The following CPEB3 variants were observed in gnomAD, a reference collection of about 807,000 sequenced individuals.
CPEB3 encodes the protein cytoplasmic polyadenylation element-binding protein 3.
A neutral mutation model predicts 67.2 loss-of-function variants in CPEB3; 20 were observed. That is an observed-to-expected ratio of 0.30 (90% confidence interval 0.21 to 0.43). The LOEUF (loss-of-function observed/expected upper bound fraction) is 0.43. Ranked by LOEUF, CPEB3 falls within the 20% of genes least tolerant of loss-of-function variation. CPEB3 has a pLI of 1.00. For synonymous variants in CPEB3, 376 were observed against 393.1 expected, an observed-to-expected ratio of 0.96 and a Z score of 0.51; for missense variants, 746 against 968.6, an observed-to-expected ratio of 0.77 and a Z score of 3.05.
chr10:92,288,412 G>A (rs976910381), intron 1 of CPEB3, among the ~76,000 whole-genome samples: 8 of 145,356 alleles, frequency 5.5e-5, no homozygotes, highest in East Asian at 4.0e-4. Context: ...GTGAGCTGGC[G>A]CCACTGCACT....
At chr10:92,132,022 TAA>T (rs1462035667) in intron 6 of CPEB3, among the ~76,000 whole-genome samples, 2 of 152,282 alleles carry the variant, frequency 1.3e-5, no homozygotes, top group East Asian at 3.9e-4. Context: ...AATATCTCCA[TAA>T]AGTTATTTTA....
At chr10:92,099,531 C>T (rs1419420092) in intron 7 of CPEB3, among the ~76,000 whole-genome samples, 1 of 151,942 alleles carries the variant, frequency 6.6e-6, no homozygotes, top group Non-Finnish European at 1.5e-5. Context: ...TGACAATTGA[C>T]CAGAACCTCT....
At chr10:92,120,453 G>A (rs1485978444) in intron 6 of CPEB3, among the ~76,000 whole-genome samples, 5 of 151,792 alleles carry the variant, frequency 3.3e-5, no homozygotes, top group Middle Eastern at 3.2e-3. Context: ...GTGTGGTGGC[G>A]GGCGCCTATA....
At chr10:92,179,757 T>A (rs1034788205) in intron 4 of CPEB3, among the ~76,000 whole-genome samples, 3 of 152,230 alleles carry the variant, frequency 2.0e-5, no homozygotes, top group African/African-American at 7.2e-5. Context: ...ACCTGCATCA[T>A]CAAGCACTGC....
intron 6 of CPEB3, chr10:92,137,743 A>T (rs900766721): frequency 2.9e-6 from 1 of 344,978 alleles, no homozygotes; most frequent in East Asian, 6.8e-5. Context: ...TCACGCCTGT[A>T]ATCCCAGCAC....
intron 2 of CPEB3, among the ~76,000 whole-genome samples, chr10:92,203,500 A>G (rs969324779): frequency 2.4e-4 from 34 of 140,384 alleles, no homozygotes; most frequent in Admixed American, 3.0e-4. Context: ...GTGTATATAT[A>G]TGTGTGTGTA....
chr10:92,132,413 A>G (rs1845884453), intron 6 of CPEB3, among the ~76,000 whole-genome samples: 1 of 152,196 alleles, frequency 6.6e-6, no homozygotes, highest in East Asian at 1.9e-4. Flanking sequence ...AAAGTAATAC[A>G]AGCAACAACA....
intron 1 of CPEB3, among the ~76,000 whole-genome samples, chr10:92,247,152 G>A (rs1852105680): frequency 6.6e-6 from 1 of 152,054 alleles, no homozygotes; most frequent in African/African-American, 2.4e-5. Context: ...CCCTCCACAA[G>A]AACAAAGCCC....
Position 92,239,252 on chromosome 10 carries a change from T to C in CPEB3, c.1005+94A>G. The C allele has an allele frequency of 7.1e-7, 1 of 1,401,154 alleles. No homozygotes were observed. Among genetic ancestry groups the C allele is most frequent in the Admixed American group, 2.1e-5 (1 of 48,186 alleles). 86.8% of individuals were successfully genotyped at this position (1,401,154 alleles called of 1,614,324 possible). On this transcript the variant is annotated intron_variant, in intron 2 of 9. Coordinates refer to ENST00000265997, the MANE Select transcript of CPEB3 (RefSeq NM_014912.5). The surrounding 1 kb of genome is among the most constrained non-coding windows in gnomAD (Gnocchi z 6.0). ...AAGAGGAGCTGGACATTGCTGCCCT[T>C]TTTAAATATAAGCGGGTGGATGATT...
chr10:92,179,177 C>T (rs113342428), intron 4 of CPEB3, among the ~76,000 whole-genome samples: 2 of 152,266 alleles, frequency 1.3e-5, no homozygotes, highest in African/African-American at 4.8e-5. Context: ...CCCCCCTTCT[C>T]TCAAGGATTG....
Position 92,239,938 on chromosome 10 carries a change from T to C in CPEB3, c.413A>G (p.Asn138Ser), listed in dbSNP as rs1851749437. The C allele has an allele frequency of 6.2e-7, 1 of 1,613,138 alleles. No individual in the cohort carries two copies. Among genetic ancestry groups the C allele is most frequent in the Non-Finnish European group, 8.5e-7 (1 of 1,179,662 alleles). ...TPVNGTMLFQNFPHHVNPVFG... is the reference protein window; with the variant it reads ...TPVNGTMLFQSFPHHVNPVFG... ...GACTGGGTTGACATGGTGCGGGAAG[T>C]TCTGGAAGAGCATGGTCCCGTTGAC... Residue 138 changes from asparagine (N) to serine (S), a missense_variant, in exon 2 of 10, where the codon AAC becomes AGC. This residue lies in a region of CPEB3 where 643 missense variants were observed against 717.5 expected (regional missense o/e 0.90). Coordinates refer to ENST00000265997, the MANE Select transcript of CPEB3 (RefSeq NM_014912.5). This position sits in a 1 kb window ranked among gnomAD's most constrained non-coding sequence, Gnocchi z 6.0.
chr10:92,120,040 GT>G (rs1845264235), intron 6 of CPEB3, among the ~76,000 whole-genome samples: 2 of 132,680 alleles, frequency 1.5e-5, no homozygotes, highest in Admixed American at 8.5e-5. Context: ...GGATCACGAG[GT>G]CAGGAGATGG....
intron 3 of CPEB3, among the ~76,000 whole-genome samples, chr10:92,182,900 T>A (rs989915663): frequency 1.3e-5 from 2 of 151,542 alleles, no homozygotes; most frequent in Admixed American, 6.6e-5. Flanking sequence ...TTGGTGTGTA[T>A]GTATGTATTG....
At chr10:92,155,631 A>G (rs1177929740) in intron 4 of CPEB3, among the ~76,000 whole-genome samples, 2 of 152,220 alleles carry the variant, frequency 1.3e-5, no homozygotes, top group African/African-American at 4.8e-5. Flanking sequence ...TTTTCATTAC[A>G]GAAAGGCAAC....
intron 1 of CPEB3, 65 bp from the exon 2 acceptor site, chr10:92,240,426 G>T: frequency 2.2e-6 from 3 of 1,379,630 alleles, no homozygotes; most frequent in Admixed American, 3.3e-5. Flanking sequence ...TCGCTGAAGC[G>T]GGCGGGTGTT....
chr10:92,253,017 A>G (rs1473562429), intron 1 of CPEB3, among the ~76,000 whole-genome samples: 1 of 152,076 alleles, frequency 6.6e-6, no homozygotes, highest in Admixed American at 6.6e-5. Flanking sequence ...TCCAACTTAA[A>G]GTTATAATAA....
At chr10:92,102,803 TC>T (rs945707688) in intron 7 of CPEB3, among the ~76,000 whole-genome samples, 25 of 152,284 alleles carry the variant, frequency 1.6e-4, no homozygotes, top group South Asian at 4.1e-4. Flanking sequence ...TTGAGCGCTC[TC>T]CCCGTCACAA....
chr10:92,243,786 T>C (rs2134717614), intron 1 of CPEB3, among the ~76,000 whole-genome samples: 1 of 152,316 alleles, frequency 6.6e-6, no homozygotes, highest in Non-Finnish European at 1.5e-5. Flanking sequence ...AACACCTTAA[T>C]GTTAAATGTG....
At chr10:92,260,844 G>A (rs1162503479) in intron 1 of CPEB3, among the ~76,000 whole-genome samples, 1 of 152,034 alleles carries the variant, frequency 6.6e-6, no homozygotes, top group Non-Finnish European at 1.5e-5. Flanking sequence ...CCTGACCTCA[G>A]GTGATCCACC....
Sources: allele counts gnomAD v4.1 joint callset (sites outside exome capture counted in the v4.1 genomes callset), GRCh38; gene constraint gnomAD v4.1.1; regional missense constraint gnomAD v4.1.1; non-coding constraint Gnocchi (gnomAD v3.1); transcripts MANE v1.5; gene names NCBI Gene and HGNC (gene_info 2026-07-23, HGNC 2026-07-21).